LUZP2: variants seen among roughly 807,000 people sequenced by gnomAD.
LUZP2 encodes leucine zipper protein 2.
In LUZP2, 52 loss-of-function variants were observed where a neutral mutation model predicts 51.6. That is an observed-to-expected ratio of 1.01 (90% CI 0.81 to 1.27). The LOEUF is 1.27. Among genes scored for constraint, LUZP2 ranks in the 50% most tolerant of loss-of-function variants. LUZP2 has a pLI of 0.00. For synonymous variants in LUZP2, 154 were observed against 137.3 expected (o/e 1.12, Z -0.85); for missense variants, 436 against 395.4 (o/e 1.10, Z -0.87).
intron 9 of LUZP2, among the ~76,000 whole-genome samples, chr11:25,018,736 T>C (rs1857240012): frequency 6.6e-6 from 1 of 151,634 alleles, no homozygotes; most frequent in Non-Finnish European, 1.5e-5. Context: ...GCCTCTCAAG[T>C]AGCTGGAATT....
chr11:24,912,980 T>C lies in LUZP2; in HGVS notation c.460-1496T>C, dbSNP rs1323346668. On this transcript the variant is annotated intron_variant, in intron 6 of 11. Transcript: ENST00000336930. ...TATATCAACACAGTTTACTAGCATG[T>C]AATAGTGACATAAGGATCATGGGTT... Among the ~76,000 whole-genome samples, 4 of 152,192 alleles carry C rather than the reference T, an allele frequency of 2.6e-5. No homozygotes were observed. The East Asian group carries it at 7.7e-4, about 29-fold the overall frequency.
intron 5 of LUZP2, 108 bp from the exon 6 acceptor site, chr11:24,905,883 T>G: frequency 1.5e-6 from 1 of 667,796 alleles, no homozygotes; most frequent in Non-Finnish European, 2.6e-6. Context: ...TTTTACATCA[T>G]GAAGGTCTAA....
Position 24,625,775 on chromosome 11 carries a change from TA to T in LUZP2, c.63-103392del, listed in dbSNP as rs1328149870. Among the ~76,000 whole-genome samples the T allele has an allele frequency of 2.6e-5, 4 of 151,846 alleles. No homozygotes were observed. The East Asian group carries it at 7.8e-4, about 29-fold the overall frequency. ...ACAGCCTTCAATTGAAGTAGGGGAA[TA>T]ACTAGACCCACAAAAGGCATTGATA... is the stretch of plus-strand genomic sequence containing the variant. On this transcript the variant is annotated intron_variant, in intron 1 of 11. Coordinates refer to ENST00000336930, the MANE Select transcript of LUZP2 (RefSeq NM_001009909.4).
At chr11:24,988,548 TA>T (rs2133922371) in intron 9 of LUZP2, among the ~76,000 whole-genome samples, 1 of 152,192 alleles carries the variant, frequency 6.6e-6, no homozygotes, top group South Asian at 2.1e-4. Flanking sequence ...TCTATGGATG[TA>T]AAATACCGTG....
intron 1 of LUZP2, among the ~76,000 whole-genome samples, chr11:24,558,350 T>C (rs1373002150): frequency 6.7e-6 from 1 of 149,842 alleles, no homozygotes; most frequent in Admixed American, 6.7e-5. Flanking sequence ...CATAATAAAG[T>C]GAGCCAATTC....
At chr11:24,816,804 T>C (rs12293686) in intron 5 of LUZP2, among the ~76,000 whole-genome samples, 6,877 of 152,190 alleles carry the variant, frequency 0.045, 463 homozygotes, top group African/African-American at 0.15. Context: ...ACAAGTGACA[T>C]ATAAGACATA....
chr11:24,928,151 G>A (rs996477332), intron 7 of LUZP2, among the ~76,000 whole-genome samples: 1 of 152,070 alleles, frequency 6.6e-6, no homozygotes, highest in Non-Finnish European at 1.5e-5. Flanking sequence ...GGAGTCCTTA[G>A]GGTTTTTTAT....
intron 1 of LUZP2, among the ~76,000 whole-genome samples, chr11:24,544,592 C>T (rs1269858757): frequency 1.3e-5 from 2 of 152,014 alleles, no homozygotes; most frequent in African/African-American, 4.8e-5. Flanking sequence ...CAGTTCCATC[C>T]ATGTCCATGC....
chr11:25,067,694 G>A (rs1225663669), intron 10 of LUZP2, among the ~76,000 whole-genome samples: 1 of 149,848 alleles, frequency 6.7e-6, no homozygotes, highest in Non-Finnish European at 1.5e-5. Flanking sequence ...GAGACGATAT[G>A]GAGAAATAGG....
At chr11:24,999,345 A>G (rs1261382758) in intron 9 of LUZP2, among the ~76,000 whole-genome samples, 2 of 151,996 alleles carry the variant, frequency 1.3e-5, no homozygotes, top group Non-Finnish European at 2.9e-5. Context: ...AAGAAGAGGA[A>G]AAAGAAGAAG....
chr11:24,558,785 G>C (rs1470673355), intron 1 of LUZP2, among the ~76,000 whole-genome samples: 1 of 152,254 alleles, frequency 6.6e-6, no homozygotes, highest in Admixed American at 6.5e-5. Context: ...CATGAGGACA[G>C]TGTTTGTCAC....
intron 5 of LUZP2, among the ~76,000 whole-genome samples, chr11:24,853,588 TTTG>T (rs1851460966): frequency 6.6e-6 from 1 of 151,896 alleles, no homozygotes; most frequent in Admixed American, 6.6e-5. Context: ...CTTGGAGGAG[TTTG>T]TTATTACCCA....
At chr11:24,728,620 C>T (rs543514485) in intron 1 of LUZP2, among the ~76,000 whole-genome samples, 2 of 152,038 alleles carry the variant, frequency 1.3e-5, no homozygotes, top group South Asian at 4.2e-4. Flanking sequence ...AAAATAATGC[C>T]CAAATTCCCA....
intron 1 of LUZP2, among the ~76,000 whole-genome samples, chr11:24,549,611 C>T (rs529455878): frequency 1.4e-4 from 22 of 152,118 alleles, no homozygotes; most frequent in South Asian, 6.2e-4. Context: ...ACACCAGCAT[C>T]ACCACAAACA....
chr11:24,816,860 C>T (rs76635404), intron 5 of LUZP2, among the ~76,000 whole-genome samples: 1,569 of 151,850 alleles, frequency 0.01, 24 homozygotes, highest in African/African-American at 0.035. Flanking sequence ...TTTTTCTGGG[C>T]GGTATATTTG....
intron 5 of LUZP2, among the ~76,000 whole-genome samples, chr11:24,878,288 T>A (rs1852342668): frequency 6.6e-6 from 1 of 152,122 alleles, no homozygotes; most frequent in Non-Finnish European, 1.5e-5. Flanking sequence ...TTCCCCTTCA[T>A]ATTTGAAAGA....
At chr11:24,539,049 TACCTC>T (rs1270682028) in intron 1 of LUZP2, among the ~76,000 whole-genome samples, 1 of 151,890 alleles carries the variant, frequency 6.6e-6, no homozygotes, top group Middle Eastern at 3.2e-3. Context: ...TAATGGCACT[TACCTC>T]AGTATAATAT....
At chr11:24,931,410 G>A (rs555449144) in intron 7 of LUZP2, among the ~76,000 whole-genome samples, 14 of 152,074 alleles carry the variant, frequency 9.2e-5, no homozygotes, top group South Asian at 4.2e-4. Context: ...GGCGTTTCTC[G>A]TTAGGTAGAA....
chr11:24,721,310 A>G (rs1858261548), intron 1 of LUZP2, among the ~76,000 whole-genome samples: 1 of 151,482 alleles, frequency 6.6e-6, no homozygotes, highest in African/African-American at 2.4e-5. Context: ...TTAAGAAACT[A>G]GAAAGGGAAC....
Sources: allele counts gnomAD v4.1 joint callset (sites outside exome capture counted in the v4.1 genomes callset), GRCh38; gene constraint gnomAD v4.1.1; transcripts MANE v1.5; gene names NCBI Gene and HGNC (gene_info 2026-07-23, HGNC 2026-07-21).